The following NUTF2 variants were observed in gnomAD, a reference collection of about 807,000 sequenced individuals.
NUTF2 encodes the protein placental protein 15.
In NUTF2, 3 loss-of-function variants were observed where a neutral mutation model predicts 18.5. That is an observed-to-expected ratio of 0.16 (90% CI 0.07 to 0.42). The LOEUF (loss-of-function observed/expected upper bound fraction) is 0.42. Among genes scored for constraint, NUTF2 ranks in the 10% least tolerant of loss-of-function variants. NUTF2 has a pLI of 0.99. For missense variants in NUTF2, 44 were observed against 160.7 expected (o/e 0.27, Z 3.93); for synonymous variants, 51 against 57.9 (o/e 0.88, Z 0.54).
At chr16:67,851,141 C>T (rs1026542529) in intron 1 of NUTF2, among the ~76,000 whole-genome samples, 3 of 151,922 alleles carry the variant, frequency 2.0e-5, no homozygotes, top group African/African-American at 4.8e-5. Flanking sequence ...TGTTTTATTC[C>T]GTTGCCTTTG....
At chr16:67,858,801 C>CAGT (rs964626612) in intron 1 of NUTF2, among the ~76,000 whole-genome samples, 17 of 152,030 alleles carry the variant, frequency 1.1e-4, no homozygotes, top group African/African-American at 4.1e-4. Context: ...ACCATAAAAT[C>CAGT]GGGGGACTTC....
chr16:67,853,604 C>T (rs1047149417), intron 1 of NUTF2, among the ~76,000 whole-genome samples: 2 of 152,200 alleles, frequency 1.3e-5, no homozygotes, highest in Non-Finnish European at 2.9e-5. Flanking sequence ...GATCTGCCCA[C>T]TCAGCCTTCC....
intron 2 of NUTF2, among the ~76,000 whole-genome samples, chr16:67,865,908 T>TG (rs934489286): frequency 5.9e-5 from 9 of 152,022 alleles, no homozygotes; most frequent in African/African-American, 2.2e-4. Context: ...TTAGTAGAGA[T>TG]GGGGTTTCAC....
intron 1 of NUTF2, among the ~76,000 whole-genome samples, chr16:67,853,706 C>T (rs1416601781): frequency 6.6e-6 from 1 of 151,990 alleles, no homozygotes; most frequent in African/African-American, 2.4e-5. Flanking sequence ...AGACAAAAGT[C>T]TCACTATCTT....
intron 2 of NUTF2, among the ~76,000 whole-genome samples, chr16:67,867,579 C>T (rs2057981830): frequency 6.6e-6 from 1 of 152,112 alleles, no homozygotes; most frequent in South Asian, 2.1e-4. Flanking sequence ...CTGTCAGCCT[C>T]TATCTCTCCC....
chr16:67,856,532 G>C (rs2057899265), intron 1 of NUTF2, among the ~76,000 whole-genome samples: 1 of 147,354 alleles, frequency 6.8e-6, no homozygotes, highest in African/African-American at 2.5e-5. Flanking sequence ...TTTTGAGTCG[G>C]AGTTTTGCTC....
chr16:67,850,418 G>T (rs1204872456), intron 1 of NUTF2, among the ~76,000 whole-genome samples: 1 of 151,624 alleles, frequency 6.6e-6, no homozygotes, highest in East Asian at 2.0e-4. Flanking sequence ...ATGTCAGCCA[G>T]GATGGTCTCG....
intron 1 of NUTF2, chr16:67,847,461 G>C (rs2057813459): frequency 6.6e-6 from 1 of 152,314 alleles, no homozygotes. Flanking sequence ...GCATGGGTAA[G>C]GGCGCCCGCC....
chr16:67,856,072 G>T, intron 1 of NUTF2: 1 of 647,718 alleles, frequency 1.5e-6, no homozygotes, highest in South Asian at 1.8e-5. Context: ...GGCCAATCTG[G>T]ACGTCCCTGA....
chr16:67,853,777 C>T (rs533917189), intron 1 of NUTF2, among the ~76,000 whole-genome samples: 1 of 152,038 alleles, frequency 6.6e-6, no homozygotes, highest in South Asian at 2.1e-4. Flanking sequence ...TCCCAAAGTC[C>T]TGGGATTACA....
chr16:67,850,495 C>G (rs1014317381), intron 1 of NUTF2, among the ~76,000 whole-genome samples: 1 of 152,150 alleles, frequency 6.6e-6, no homozygotes, highest in Non-Finnish European at 1.5e-5. Flanking sequence ...CGTGAGCCAC[C>G]GCGCCTGGCC....
At position 67,870,832 on chromosome 16, in the gene NUTF2, G is replaced by A; in HGVS notation, c.303G>A (p.Gln101=). 1 of 1,613,862 alleles carries A rather than the reference G, an allele frequency of 6.2e-7. No homozygotes were observed. Among genetic ancestry groups the A allele is most frequent in the Non-Finnish European group, 8.5e-7 (1 of 1,179,774 alleles). The change falls in exon 5 of 5, where the codon CAG becomes CAA. Residue 101 remains glutamine (Q), a synonymous_variant. Coordinates refer to ENST00000219169, the MANE Select transcript of NUTF2 (RefSeq NM_005796.3). ...ADEDPIMGFH[Q]MFLLKNINDA... Reference sequence around the variant, plus strand: ...AAGACCCCATCATGGGGTTCCACCAGATGTTCCTATTAAAGAACATCAACG... The same window carrying A: ...AAGACCCCATCATGGGGTTCCACCAAATGTTCCTATTAAAGAACATCAACG...
intron 1 of NUTF2, among the ~76,000 whole-genome samples, chr16:67,859,816 T>C (rs1297133906): frequency 1.4e-5 from 2 of 141,642 alleles, no homozygotes; most frequent in Non-Finnish European, 3.1e-5. Context: ...TTTTTTTTTT[T>C]TTTTTTGGAG....
intron 2 of NUTF2, among the ~76,000 whole-genome samples, chr16:67,866,763 G>A (rs1022795227): frequency 1.3e-5 from 2 of 151,156 alleles, no homozygotes; most frequent in Non-Finnish European, 2.9e-5. Context: ...CACCGCGCCC[G>A]GCTACACCTA....
chr16:67,851,210 C>G (rs1480468614), intron 1 of NUTF2, among the ~76,000 whole-genome samples: 2 of 147,148 alleles, frequency 1.4e-5, no homozygotes, highest in Non-Finnish European at 1.5e-5. Context: ...AGGCAGGGTG[C>G]GGTGGCTCAT....
chr16:67,855,967 G>T, intron 1 of NUTF2: 1 of 1,214,262 alleles, frequency 8.2e-7, no homozygotes, highest in Non-Finnish European at 1.2e-6. Flanking sequence ...AGAACTTCTG[G>T]AACTGCTTCT....
At chr16:67,850,119 G>A (rs2057841850) in intron 1 of NUTF2, among the ~76,000 whole-genome samples, 1 of 151,728 alleles carries the variant, frequency 6.6e-6, no homozygotes, top group African/African-American at 2.4e-5. Context: ...GGGACAAAAA[G>A]ATACTTTTCC....
chr16:67,862,109 T>C (rs1256479483), intron 1 of NUTF2, among the ~76,000 whole-genome samples: 5 of 152,100 alleles, frequency 3.3e-5, no homozygotes, highest in Non-Finnish European at 7.4e-5. Context: ...TTAGGGAGTT[T>C]GGCCTTTAAG....
Position 67,859,349 on chromosome 16 carries a change from A to T in NUTF2, c.-29-5753A>T, listed in dbSNP as rs1409026102. On this transcript the variant is annotated intron_variant, in intron 1 of 4. Coordinates refer to ENST00000219169, the MANE Select transcript of NUTF2 (RefSeq NM_005796.3). ...TGCATGCCACCACACCCAGCTGATG[A>T]TTTTTTTTTTTTTTTTTGAGGTGGA... Among the ~76,000 whole-genome samples, 8 of 131,916 alleles carry T rather than the reference A, an allele frequency of 6.1e-5. 1 individual carries two copies. Among genetic ancestry groups the T allele is most frequent in the South Asian group, 2.4e-4 (1 of 4,132 alleles). 86.5% of individuals were successfully genotyped at this position (131,916 alleles called of 152,430 possible).
Sources: allele counts gnomAD v4.1 joint callset (sites outside exome capture counted in the v4.1 genomes callset), GRCh38; gene constraint gnomAD v4.1.1; transcripts MANE v1.5; gene names NCBI Gene and HGNC (gene_info 2026-07-23, HGNC 2026-07-21).